The following PRKCH variants were observed in gnomAD, a reference collection of about 807,000 sequenced individuals.
The protein encoded by PRKCH is protein kinase C eta.
PRKCH carries 28 observed loss-of-function variants against 82.5 expected under a neutral mutation model. That is an observed-to-expected ratio of 0.34 (90% CI 0.25 to 0.47). The LOEUF is 0.47. PRKCH is among the 20% of genes least tolerant of loss of function. The pLI, the probability that PRKCH is intolerant of heterozygous loss-of-function variation, is 1.00. For synonymous variants in PRKCH, 322 were observed against 327.4 expected (o/e 0.98, Z 0.18); for missense variants, 705 against 881.8 (o/e 0.80, Z 2.54).
chr14:61,267,634 A>T (rs1469476403), intron 1 of PRKCH, among the ~76,000 whole-genome samples: 1 of 152,210 alleles, frequency 6.6e-6, no homozygotes, highest in African/African-American at 2.4e-5. Flanking sequence ...GAGTGAGAGC[A>T]TTTTAAAAAT....
At chr14:61,248,772 GTATGTATGTATGTATGTATGTATGTA>G (rs1312399758) in intron 1 of PRKCH, among the ~76,000 whole-genome samples, 11 of 99,324 alleles carry the variant, frequency 1.1e-4, no homozygotes, top group Middle Eastern at 4.8e-3. Flanking sequence ...ATGTATGTAT[GTATGTATGTATGTATGTATGTATGTA>G]TGTGTGTGTG....
chr14:61,445,508 G>C (rs778338797), intron 3 of PRKCH, among the ~76,000 whole-genome samples, 184 bp from the exon 4 acceptor site: 1 of 152,176 alleles, frequency 6.6e-6, no homozygotes. Flanking sequence ...TTCTAATCCA[G>C]CACATGGTTT....
At chr14:61,320,903 C>T (rs560231029), upstream of PRKCH, among the ~76,000 whole-genome samples, 1 of 152,158 alleles carries the variant, frequency 6.6e-6, no homozygotes, top group African/African-American at 2.4e-5. Flanking sequence ...GACCAGAAAC[C>T]ACCCGCAGAG....
At chr14:61,510,244 A>C (rs1001757493) in intron 10 of PRKCH, among the ~76,000 whole-genome samples, 1 of 152,164 alleles carries the variant, frequency 6.6e-6, no homozygotes, top group Non-Finnish European at 1.5e-5. Flanking sequence ...TTTGCCTTTC[A>C]ATAGAAGCCA....
At chr14:61,427,269 A>G (rs1883154078) in intron 2 of PRKCH, among the ~76,000 whole-genome samples, 1 of 152,206 alleles carries the variant, frequency 6.6e-6, no homozygotes, top group Non-Finnish European at 1.5e-5. Context: ...CTTAGAATCA[A>G]TAGAAAGGAG....
intron 1 of PRKCH, among the ~76,000 whole-genome samples, chr14:61,366,306 G>A (rs2046296348): frequency 6.6e-6 from 1 of 152,062 alleles, no homozygotes; most frequent in Non-Finnish European, 1.5e-5. Flanking sequence ...TCCCAGTAAG[G>A]AGAGATTTGT....
At chr14:61,412,510 A>C (rs2352085) in intron 2 of PRKCH, among the ~76,000 whole-genome samples, 138,886 of 151,970 alleles carry the variant, frequency 0.91, 64,759 homozygotes, top group East Asian at 1. Context: ...CTCTCTAGCC[A>C]GGACTGTGGG....
intron 1 of PRKCH, among the ~76,000 whole-genome samples, chr14:61,373,864 A>G (rs151213108): frequency 0.028 from 4,305 of 152,178 alleles, 225 homozygotes; most frequent in African/African-American, 0.097. Context: ...TGGCCTCCCA[A>G]AGTGCTGGGA....
chr14:61,437,504 G>A (rs890185160), intron 2 of PRKCH, among the ~76,000 whole-genome samples: 4 of 152,198 alleles, frequency 2.6e-5, no homozygotes, highest in Admixed American at 6.5e-5. Flanking sequence ...ACATTTGATA[G>A]TATATCCAGT....
At chr14:61,408,667 G>A (rs1882096030) in intron 2 of PRKCH, among the ~76,000 whole-genome samples, 1 of 152,208 alleles carries the variant, frequency 6.6e-6, no homozygotes, top group Non-Finnish European at 1.5e-5. Flanking sequence ...ACAAAGTGTA[G>A]CATTAGGATC....
intron 2 of PRKCH, among the ~76,000 whole-genome samples, chr14:61,396,533 G>C (rs972011036): frequency 6.6e-6 from 1 of 152,194 alleles, no homozygotes; most frequent in African/African-American, 2.4e-5. Flanking sequence ...TATTATGTAT[G>C]CAATGCAGGG....
At chr14:61,426,955 A>C (rs562062179) in intron 2 of PRKCH, among the ~76,000 whole-genome samples, 1 of 152,330 alleles carries the variant, frequency 6.6e-6, no homozygotes, top group East Asian at 1.9e-4. Context: ...CAAACTCTAA[A>C]ATATTTGAAG....
At chr14:61,420,919 G>A (rs927999634) in intron 2 of PRKCH, among the ~76,000 whole-genome samples, 1 of 151,994 alleles carries the variant, frequency 6.6e-6, no homozygotes, top group Admixed American at 6.6e-5. Flanking sequence ...CTTGGGTAAG[G>A]GACCTGAAGC....
Position 61,547,833 on chromosome 14 carries a change from G to A in PRKCH, c.1852G>A (p.Asp618Asn), listed in dbSNP as rs752424056. The A allele has an allele frequency of 2.6e-5, 42 of 1,613,950 alleles. No homozygotes were observed. Among genetic ancestry groups the A allele is most frequent in the Admixed American group, 1.5e-4 (9 of 59,992 alleles). The change falls in exon 13 of 14, where the codon GAC becomes AAC. Residue 618 changes from aspartate to asparagine, a missense_variant. Transcript: ENST00000332981. ...GAGACATCCTTTTTTTAAGGAAATC[G>A]ACTGGGCCCAGCTGAACCATCGCCA... is the stretch of plus-strand genomic sequence containing the variant. ...ILRHPFFKEIDWAQLNHRQIE... is the reference protein window; with the variant it reads ...ILRHPFFKEINWAQLNHRQIE...
chr14:61,274,690 A>G (rs2045187177), intron 1 of PRKCH, among the ~76,000 whole-genome samples: 1 of 152,212 alleles, frequency 6.6e-6, no homozygotes, highest in African/African-American at 2.4e-5. Context: ...ATCTGATGCT[A>G]TTCTTGGAAG....
chr14:61,390,522 A>T (rs1325049141), intron 1 of PRKCH, among the ~76,000 whole-genome samples: 1 of 152,050 alleles, frequency 6.6e-6, no homozygotes, highest in Non-Finnish European at 1.5e-5. Context: ...AAATACAAAA[A>T]CAGATCAGAT....
At chr14:61,222,658 T>C (rs2044664065) in intron 1 of PRKCH, among the ~76,000 whole-genome samples, 2 of 152,242 alleles carry the variant, frequency 1.3e-5, no homozygotes. Context: ...GGAGATATGA[T>C]TGCATAAAAT....
At chr14:61,326,537 A>T (rs575098513) in intron 1 of PRKCH, among the ~76,000 whole-genome samples, 1 of 152,366 alleles carries the variant, frequency 6.6e-6, no homozygotes, top group South Asian at 2.1e-4. Flanking sequence ...ACATATGTCA[A>T]AGCTTATTAA....
chr14:61,281,165 C>G, intron 1 of PRKCH: 1 of 1,307,558 alleles, frequency 7.6e-7, no homozygotes, highest in Non-Finnish European at 9.7e-7. Flanking sequence ...GCGCGGGGAC[C>G]GACGCGCGGG....
Sources: gnomAD v4.1 joint callset for allele counts (sites outside exome capture counted in the v4.1 genomes callset) on GRCh38, gnomAD v4.1.1 for gene constraint, MANE v1.5 for transcripts, NCBI Gene and HGNC (gene_info 2026-07-23, HGNC 2026-07-21) for gene names.